USP3: variants seen among roughly 807,000 people sequenced by gnomAD.
The protein encoded by USP3 is ubiquitin specific peptidase 3.
A neutral mutation model predicts 72.3 loss-of-function variants in USP3; 20 were observed. That is an observed-to-expected ratio of 0.28 (90% CI 0.19 to 0.40). The LOEUF (loss-of-function observed/expected upper bound fraction) is 0.40. Among genes scored for constraint, USP3 ranks in the 10% least tolerant of loss-of-function variants. The pLI is 1.00. For missense variants in USP3, 479 were observed against 633.9 expected (o/e 0.76, Z 2.62); for synonymous variants, 222 against 225.3 (o/e 0.99, Z 0.13).
intron 11 of USP3, chr15:63,587,894 C>G (rs1436478194): frequency 6.5e-6 from 1 of 154,916 alleles, no homozygotes; most frequent in Non-Finnish European, 1.4e-5. Flanking sequence ...CTTCTGTGAT[C>G]TATGTTTATT....
rs1373472435 is a variant in USP3, at chr15:63,570,922, T to A, written c.908+343T>A. Among the ~76,000 whole-genome samples the A allele has an allele frequency of 6.6e-6, 1 of 152,218 alleles. No individual in the cohort carries two copies. Among genetic ancestry groups the A allele is most frequent in the Non-Finnish European group, 1.5e-5 (1 of 68,024 alleles). Reference sequence around the variant, plus strand: ...GAGACTTAATTTTCATATACCAAAATAATATTTGTTCACTAAAAACAAAAG... The same window carrying A: ...GAGACTTAATTTTCATATACCAAAAAAATATTTGTTCACTAAAAACAAAAG... On this transcript the variant is annotated intron_variant, in intron 9 of 14. Transcript: ENST00000380324. This position sits in a 1 kb window ranked among gnomAD's most constrained non-coding sequence, Gnocchi z 4.4.
intron 11 of USP3, among the ~76,000 whole-genome samples, chr15:63,587,046 G>C (rs886623353): frequency 3.3e-5 from 5 of 152,146 alleles, no homozygotes; most frequent in African/African-American, 1.2e-4. Flanking sequence ...TTGGAAACTT[G>C]AGTACAGAGA....
intron 11 of USP3, among the ~76,000 whole-genome samples, chr15:63,580,653 A>ATAT (rs59380977): frequency 2.8e-4 from 3 of 10,824 alleles, no homozygotes; most frequent in African/African-American, 2.2e-3. Context: ...TATATATATG[A>ATAT]ATATATAATA....
At position 63,588,985 on chromosome 15, in the gene USP3, C is replaced by T. The variant is rs374651935; in HGVS notation, c.1371C>T (p.Ala457=). 58 of 1,613,832 alleles carry T rather than the reference C, an allele frequency of 3.6e-5. No individual in the cohort carries two copies. The highest frequency in any genetic ancestry group is 4.4e-5 in the South Asian group (4 of 91,048). The change falls in exon 14 of 15, where the codon GCC becomes GCT. Residue 457 remains alanine, a synonymous_variant. Coordinates refer to ENST00000380324, the MANE Select transcript of USP3 (RefSeq NM_006537.4). The surrounding 1 kb of genome is among the most constrained non-coding windows in gnomAD (Gnocchi z 4.6). ...SGPESCLYDL[A]AVVVHHGSGV... is the part of the protein sequence containing the mutation. ...CGGAGAGCTGCCTGTATGACCTCGC[C>T]GCTGTGGTGGTGCACCATGGTTCCG...
intron 7 of USP3, among the ~76,000 whole-genome samples, chr15:63,562,628 C>T (rs926939938): frequency 6.6e-6 from 1 of 152,268 alleles, no homozygotes; most frequent in Admixed American, 6.5e-5. Flanking sequence ...GGTTTGCTTG[C>T]GTGTTTTAAC....
At chr15:63,511,994 T>A (rs1172184448) in intron 1 of USP3, among the ~76,000 whole-genome samples, 17 of 148,690 alleles carry the variant, frequency 1.1e-4, no homozygotes, top group Non-Finnish European at 5.9e-5. Context: ...TCTCACCCTG[T>A]TCCCCAGGCT....
At position 63,553,592 on chromosome 15, in the gene USP3, C is replaced by T; in HGVS notation, c.285-123C>T. On this transcript the variant is annotated intron_variant, in intron 3 of 14. Transcript: ENST00000380324. This position sits in a 1 kb window ranked among gnomAD's most constrained non-coding sequence, Gnocchi z 4.2. ...GAATTCCAGGTCCTCTTTAAACTTA[C>T]CACCAGCAGTAACTGCCTGCAGAGC... The T allele has an allele frequency of 1.3e-6, 1 of 742,902 alleles. No individual in the cohort carries two copies. The highest frequency in any genetic ancestry group is 2.0e-6 in the Non-Finnish European group (1 of 505,340). The allele number at this position is 742,902 out of a possible 1,614,324, so 46.0% of individuals were successfully genotyped here.
intron 3 of USP3, among the ~76,000 whole-genome samples, chr15:63,541,889 G>A (rs1011968587): frequency 1.1e-4 from 16 of 151,966 alleles, no homozygotes; most frequent in African/African-American, 3.1e-4. Context: ...ATGTGTCAGG[G>A]GTGTTTGTTG....
At chr15:63,571,504 A>G (rs923235469) in intron 9 of USP3, among the ~76,000 whole-genome samples, 2 of 152,234 alleles carry the variant, frequency 1.3e-5, no homozygotes, top group African/African-American at 4.8e-5. Context: ...TTAGAATCCA[A>G]TATAGAAAGG....
chr15:63,504,676 T>C lies in USP3; in HGVS notation c.-64T>C. 7.2e-7 allele frequency: 1 copy of C among 1,379,342 alleles called. No homozygotes were observed. Among genetic ancestry groups the C allele is most frequent in the South Asian group, 1.4e-5 (1 of 70,676 alleles). 85.4% of individuals were successfully genotyped at this position (1,379,342 alleles called of 1,614,324 possible). On this transcript the variant is annotated 5_prime_UTR_variant, in exon 1 of 15. Transcript: ENST00000380324. Reference sequence around the variant, plus strand: ...GCGACACCAGACGGAGCCTCCGGAGTTCCTCCGCCCCCACCTCGCCGGGTC... The same window carrying C: ...GCGACACCAGACGGAGCCTCCGGAGCTCCTCCGCCCCCACCTCGCCGGGTC...
In USP3 at chr15:63,570,345, C is replaced by T. The variant is rs1338075322; in HGVS notation, c.762-88C>T. 3 of 1,574,078 alleles carry T rather than the reference C, an allele frequency of 1.9e-6. No individual in the cohort carries two copies. In the African/African-American group the frequency reaches 4.1e-5, roughly 21 times the overall value. ...GTGCTTGTGAGCACGGGGCTGCCGT[C>T]CTTTTCCACGCCTTGGCCTCTTGCT... On this transcript the variant is annotated intron_variant, in intron 8 of 14. Transcript: ENST00000380324. The surrounding 1 kb of genome is among the most constrained non-coding windows in gnomAD (Gnocchi z 4.4).
chr15:63,507,010 A>C (rs2065722379), intron 1 of USP3, among the ~76,000 whole-genome samples: 1 of 152,204 alleles, frequency 6.6e-6, no homozygotes, highest in South Asian at 2.1e-4. Context: ...CAGTGATTAA[A>C]TGATGAATCT....
intron 3 of USP3, among the ~76,000 whole-genome samples, chr15:63,543,310 G>A (rs1011057857): frequency 6.6e-6 from 1 of 151,834 alleles, no homozygotes; most frequent in East Asian, 1.9e-4. Flanking sequence ...AAAAAAAAAA[G>A]ACACATTTTA....
At chr15:63,548,498 G>A (rs1207101806) in intron 3 of USP3, among the ~76,000 whole-genome samples, 1 of 151,716 alleles carries the variant, frequency 6.6e-6, no homozygotes, top group African/African-American at 2.4e-5. Context: ...GCTAATTTTT[G>A]TATTTTTTTA....
chr15:63,542,776 A>G (rs1308992463), intron 3 of USP3, among the ~76,000 whole-genome samples: 1 of 152,186 alleles, frequency 6.6e-6, no homozygotes, highest in Admixed American at 6.5e-5. Flanking sequence ...ATTATATCAG[A>G]AACGAGACTA....
intron 9 of USP3, among the ~76,000 whole-genome samples, chr15:63,573,743 T>C (rs939231029): frequency 1.3e-5 from 2 of 152,224 alleles, no homozygotes; most frequent in African/African-American, 4.8e-5. Context: ...CATGTTGCCC[T>C]GTGCAGAGTC....
At position 63,532,392 on chromosome 15, in the gene USP3, T is replaced by C. The variant is rs184400423; in HGVS notation, c.92-255T>C. 2,294 of 555,954 alleles carry C rather than the reference T, an allele frequency of 4.1e-3. 12 individuals carry two copies. The highest frequency in any genetic ancestry group is 6.4e-3 in the Non-Finnish European group (1,977 of 309,500). 34.4% of individuals were successfully genotyped at this position (555,954 alleles called of 1,614,324 possible). A position where few individuals can be genotyped will look rare whatever the true frequency, so the allele number is the denominator to read the frequency against. On this transcript the variant is annotated intron_variant, in intron 1 of 14. Coordinates refer to ENST00000380324, the MANE Select transcript of USP3 (RefSeq NM_006537.4). ...AAGTAATAAAGGAGACAAGTGTATA[T>C]GTGTTTAACGTGGTTAAGCTATTTG... is the stretch of plus-strand genomic sequence containing the variant.
chr15:63,558,332 T>C (rs2066545810), intron 6 of USP3, 144 bp downstream of exon 6: 5 of 857,966 alleles, frequency 5.8e-6, no homozygotes, highest in Admixed American at 2.4e-5. Context: ...TCCTCATCAG[T>C]AAAATTGGGG....
At chr15:63,571,366 G>C (rs1457343041) in intron 9 of USP3, among the ~76,000 whole-genome samples, 1 of 152,150 alleles carries the variant, frequency 6.6e-6, no homozygotes, top group Non-Finnish European at 1.5e-5. Flanking sequence ...GATGTGGTAG[G>C]ACTACTTCTT....
Sources: allele counts gnomAD v4.1 joint callset (sites outside exome capture counted in the v4.1 genomes callset), GRCh38; gene constraint gnomAD v4.1.1; non-coding constraint Gnocchi (gnomAD v3.1); transcripts MANE v1.5; gene names NCBI Gene and HGNC (gene_info 2026-07-23, HGNC 2026-07-21).